The following MAPK10 variants were observed in gnomAD, a reference collection of about 807,000 sequenced individuals.
MAPK10 encodes the protein mitogen-activated protein kinase 10.
MAPK10 carries 25 observed loss-of-function variants against 59.3 expected under a neutral mutation model. The ratio of observed to expected loss-of-function variants is 0.42; its 90% confidence interval spans 0.31 to 0.59. The LOEUF is 0.59. Among genes scored for constraint, MAPK10 ranks in the 20% least tolerant of loss-of-function variants. MAPK10 has a pLI of 0.15. For synonymous variants in MAPK10, 190 were observed against 200.5 expected (o/e 0.95, Z 0.44); for missense variants, 351 against 568.9 (o/e 0.62, Z 3.90).
intron 11 of MAPK10, among the ~76,000 whole-genome samples, chr4:86,056,735 T>C (rs1330931359): frequency 2.0e-5 from 3 of 149,968 alleles, no homozygotes; most frequent in Non-Finnish European, 3.0e-5. Context: ...AGGCTTCAGA[T>C]GGTCAATAAA....
At chr4:86,434,622 G>C (rs1405417961) in intron 1 of MAPK10, among the ~76,000 whole-genome samples, 1 of 152,186 alleles carries the variant, frequency 6.6e-6, no homozygotes, top group Non-Finnish European at 1.5e-5. Context: ...TAAAAGGCTT[G>C]TATCAAAAGG....
At chr4:86,558,430 G>GTAT (rs562292268) in intron 1 of MAPK10, among the ~76,000 whole-genome samples, 63 of 152,090 alleles carry the variant, frequency 4.1e-4, no homozygotes, top group Non-Finnish European at 7.6e-4. Flanking sequence ...AGGCAGGTTG[G>GTAT]TATTATTATT....
chr4:86,093,506 T>C (rs2053638094), intron 9 of MAPK10, among the ~76,000 whole-genome samples: 4 of 151,942 alleles, frequency 2.6e-5, no homozygotes. Context: ...GTTAACTAAG[T>C]CATAAATTTA....
At chr4:86,343,426 T>C (rs1015510977) in intron 2 of MAPK10, among the ~76,000 whole-genome samples, 1 of 152,208 alleles carries the variant, frequency 6.6e-6, no homozygotes, top group African/African-American at 2.4e-5. Context: ...GTGAGGCTTA[T>C]AGTCTGGCAG....
At chr4:86,176,868 C>A (rs1387261753) in intron 3 of MAPK10, among the ~76,000 whole-genome samples, 4 of 151,680 alleles carry the variant, frequency 2.6e-5, no homozygotes, top group Admixed American at 1.3e-4. Context: ...ATAATGTTTA[C>A]CTTATCTTTG....
At chr4:86,453,560 C>A (rs920443613), upstream of MAPK10, 1 of 144,422 alleles carries the variant, frequency 6.9e-6, no homozygotes, top group African/African-American at 2.6e-5. Context: ...GACCTGGGAA[C>A]CTCACCCCCA....
intron 1 of MAPK10, among the ~76,000 whole-genome samples, chr4:86,514,248 G>T (rs1472096354): frequency 6.6e-6 from 1 of 152,014 alleles, no homozygotes. Context: ...TTGCAGAAAG[G>T]TTATCACAAC....
At chr4:86,380,964 C>T (rs1740616211) in intron 1 of MAPK10, among the ~76,000 whole-genome samples, 1 of 151,964 alleles carries the variant, frequency 6.6e-6, no homozygotes, top group Non-Finnish European at 1.5e-5. Flanking sequence ...CTAATAGACG[C>T]CTCATTTGTA....
intron 1 of MAPK10, among the ~76,000 whole-genome samples, chr4:86,418,989 C>T (rs941626526): frequency 2.6e-5 from 4 of 151,984 alleles, no homozygotes; most frequent in African/African-American, 9.7e-5. Context: ...TATAATGAAC[C>T]TTGGGGACTT....
chr4:86,248,588 T>C (rs2093247472), intron 2 of MAPK10, among the ~76,000 whole-genome samples: 1 of 152,232 alleles, frequency 6.6e-6, no homozygotes, highest in Non-Finnish European at 1.5e-5. Context: ...TTTTTTATGA[T>C]ACCACAAGGA....
intron 1 of MAPK10, among the ~76,000 whole-genome samples, chr4:86,541,700 T>C (rs76317133): frequency 0.047 from 7,139 of 152,304 alleles, 223 homozygotes; most frequent in African/African-American, 0.059. Flanking sequence ...GCTATTTTGG[T>C]CTACCCAGTA....
chr4:86,107,475 G>A, intron 4 of MAPK10, 123 bp from the exon 5 acceptor site: 1 of 1,382,722 alleles, frequency 7.2e-7, no homozygotes, highest in Non-Finnish European at 9.4e-7. Context: ...GTCTACTCTG[G>A]TCACATGCCA....
intron 2 of MAPK10, among the ~76,000 whole-genome samples, chr4:86,302,475 G>A (rs910006136): frequency 6.6e-6 from 1 of 152,170 alleles, no homozygotes; most frequent in Non-Finnish European, 1.5e-5. Context: ...CTGGCGAAGC[G>A]ACTCTGGACT....
chr4:86,586,160 G>T (rs1403839701), intron 1 of MAPK10, among the ~76,000 whole-genome samples: 3 of 152,140 alleles, frequency 2.0e-5, no homozygotes, highest in African/African-American at 4.8e-5. Context: ...ATACAGAAGG[G>T]TTATGCTTAT....
intron 1 of MAPK10, among the ~76,000 whole-genome samples, chr4:86,398,633 T>C (rs562080621): frequency 3.2e-4 from 48 of 152,314 alleles, no homozygotes; most frequent in African/African-American, 1.1e-3. Context: ...TAGATTCAGG[T>C]GGTACATGTG....
At chr4:86,237,682 T>G (rs2092374467) in intron 2 of MAPK10, among the ~76,000 whole-genome samples, 1 of 152,202 alleles carries the variant, frequency 6.6e-6, no homozygotes, top group Non-Finnish European at 1.5e-5. Context: ...TCATATCTTT[T>G]GCCCACTTTT....
At chr4:86,522,355 A>G (rs1757171852) in intron 1 of MAPK10, among the ~76,000 whole-genome samples, 1 of 152,250 alleles carries the variant, frequency 6.6e-6, no homozygotes, top group African/African-American at 2.4e-5. Context: ...AGCTTGTTAA[A>G]TGAATGATGA....
intron 4 of MAPK10, among the ~76,000 whole-genome samples, chr4:86,157,493 T>G (rs1294582038): frequency 6.6e-6 from 1 of 151,972 alleles, no homozygotes; most frequent in South Asian, 2.1e-4. Flanking sequence ...AGTTTCCAGT[T>G]TGCACCAGTC....
At position 86,034,792 on chromosome 4, in the gene MAPK10, C is replaced by T. The variant is rs1377920879; in HGVS notation, c.1111-3361G>A. On this transcript the variant is annotated intron_variant, in intron 11 of 13. Transcript: ENST00000641462. The stretch of plus-strand genomic sequence containing the variant: ...AGTAAAGTGATGCTTATTCAGTGAG[C>T]GAAAGATGTGTGGGAGGTTGTCAAG... Among the ~76,000 whole-genome samples the T allele has an allele frequency of 4.0e-5, 6 of 151,840 alleles. No individual in the cohort carries two copies. In the East Asian group the frequency reaches 1.2e-3, roughly 29 times the overall value.
Sources: allele counts gnomAD v4.1 joint callset (sites outside exome capture counted in the v4.1 genomes callset), GRCh38; gene constraint gnomAD v4.1.1; transcripts MANE v1.5; gene names NCBI Gene and HGNC (gene_info 2026-07-23, HGNC 2026-07-21).